The following PGBD2 variants were observed in gnomAD, a reference collection of about 807,000 sequenced individuals.
The protein encoded by PGBD2 is piggyBac transposable element-derived protein 2.
PGBD2 carries 6 observed loss-of-function variants against 8.1 expected under a neutral mutation model. The ratio of observed to expected loss-of-function variants is 0.74; its 90% CI spans 0.40 to 1.46. The LOEUF (loss-of-function observed/expected upper bound fraction) is 1.46, where lower values mean the gene tolerates loss of function less well. PGBD2 is among the 40% of genes most tolerant of loss of function. PGBD2 has a pLI of 0.02. For missense variants in PGBD2, 802 were observed against 739.0 expected (o/e 1.09, Z -0.99); for synonymous variants, 318 against 272.2 (o/e 1.17, Z -1.66).
the PGBD2 span, among the ~76,000 whole-genome samples, chr1:248,894,838 C>T: frequency 6.6e-6 from 1 of 151,688 alleles, no homozygotes; most frequent in Non-Finnish European, 1.5e-5. Context: ...CTGATTGTCA[C>T]TGGCTGGAGT....
chr1:248,916,691 A>G lies in PGBD2; in HGVS notation c.107A>G (p.Asn36Ser), dbSNP rs1662108656. 6.2e-7 allele frequency: 1 copy of G among 1,614,168 alleles called. No homozygotes were observed. Among genetic ancestry groups the G allele is most frequent in the African/African-American group, 1.3e-5 (1 of 75,040 alleles). Residue 36 changes from asparagine (N) to serine (S), a missense_variant, in exon 3 of 3, where the codon AAC becomes AGC. Asn to Ser is a conservative substitution (Grantham distance 46). Transcript: ENST00000329291. Reference sequence around the variant, plus strand: ...AATGCTATGGAGGAGGAAGAGTCCAACAACAACAGGGAAGAGATTTTCATT... The same window carrying G: ...AATGCTATGGAGGAGGAAGAGTCCAGCAACAACAGGGAAGAGATTTTCATT... The part of the protein sequence containing the change: ...VLNAMEEEES[N>S]NNREEIFIAP...
downstream of PGBD2, among the ~76,000 whole-genome samples, chr1:248,920,277 T>A (rs1327755035): frequency 6.6e-6 from 1 of 152,172 alleles, no homozygotes; most frequent in Non-Finnish European, 1.5e-5. Flanking sequence ...TAGGTATTTG[T>A]CCTAATGCTA....
chr1:248,881,161 G>T, the PGBD2 span, among the ~76,000 whole-genome samples: 3 of 152,110 alleles, frequency 2.0e-5, no homozygotes, highest in Non-Finnish European at 4.4e-5. Context: ...AACACAGTAG[G>T]CAAAGAGCCA....
In PGBD2 at chr1:248,917,731, C is replaced by T. The variant is rs772331580; in HGVS notation, c.1147C>T (p.Pro383Ser). Residue 383 changes from proline (P) to serine (S), a missense_variant, in exon 3 of 3, where the codon CCC becomes TCC. Pro to Ser is a moderately conservative substitution (Grantham distance 74). Transcript: ENST00000329291. ...TVREYRTERCPLKDPKELKKM... is the reference protein window; with the variant it reads ...TVREYRTERCSLKDPKELKKM... ...TCGTGAGTACAGGACTGAGCGATGT[C>T]CCCTAAAAGACCCCAAAGAACTGAA... The T allele has an allele frequency of 1.2e-6, 2 of 1,614,018 alleles. No individual in the cohort carries two copies. The highest frequency in any genetic ancestry group is 2.7e-5 in the African/African-American group (2 of 74,884).
upstream of PGBD2, among the ~76,000 whole-genome samples, chr1:248,905,702 A>G (rs887442404): frequency 1.3e-5 from 2 of 152,218 alleles, no homozygotes; most frequent in African/African-American, 4.8e-5. Flanking sequence ...CCTATAATGC[A>G]CAGGACAGCC....
intron 1 of PGBD2, among the ~76,000 whole-genome samples, chr1:248,913,225 G>T (rs1326281524): frequency 6.6e-6 from 1 of 151,860 alleles, no homozygotes; most frequent in East Asian, 1.9e-4. Flanking sequence ...TACCCCTTCT[G>T]TGAAGAGCTA....
chr1:248,907,265 T>C (rs925485246), intron 1 of PGBD2, among the ~76,000 whole-genome samples: 9 of 152,216 alleles, frequency 5.9e-5, no homozygotes, highest in East Asian at 1.9e-4. Flanking sequence ...GCCCAAACAT[T>C]TCAGTGGAAT....
chr1:248,905,946 G>A (rs766134938), upstream of PGBD2, among the ~76,000 whole-genome samples: 1 of 152,188 alleles, frequency 6.6e-6, no homozygotes, highest in Non-Finnish European at 1.5e-5. Context: ...TTAGATTGGG[G>A]GCACATTTGA....
At chr1:248,883,658 A>C in the PGBD2 span, among the ~76,000 whole-genome samples, 1 of 129,700 alleles carries the variant, frequency 7.7e-6, no homozygotes, top group Non-Finnish European at 1.5e-5. Flanking sequence ...GTGCAGTGGC[A>C]CGATCTCGGC....
chr1:248,897,023 GC>G, the PGBD2 span, among the ~76,000 whole-genome samples: 3 of 152,132 alleles, frequency 2.0e-5, no homozygotes, highest in Non-Finnish European at 2.9e-5. Context: ...TCTCTTAGAA[GC>G]AAAATTTATT....
At chr1:248,926,185 C>T in the PGBD2 span, among the ~76,000 whole-genome samples, 1 of 152,090 alleles carries the variant, frequency 6.6e-6, no homozygotes, top group African/African-American at 2.4e-5. Context: ...TGTTGTTCTA[C>T]CCCAGGTCAG....
the PGBD2 span, among the ~76,000 whole-genome samples, chr1:248,886,162 A>C: frequency 6.6e-6 from 1 of 152,356 alleles, no homozygotes; most frequent in East Asian, 1.9e-4. Context: ...TGATGAAGAC[A>C]GATCTCTCAG....
chr1:248,891,533 T>G, the PGBD2 span, among the ~76,000 whole-genome samples: 3 of 152,212 alleles, frequency 2.0e-5, no homozygotes, highest in Admixed American at 6.5e-5. Flanking sequence ...AAAGTACTTT[T>G]AAGAAATATT....
the PGBD2 span, among the ~76,000 whole-genome samples, chr1:248,873,899 A>C: frequency 2.0e-5 from 3 of 152,240 alleles, no homozygotes; most frequent in East Asian, 3.9e-4. Context: ...CAAGGTAAGC[A>C]CCTTGCCTGC....
At chr1:248,909,218 T>C (rs773991207) in intron 1 of PGBD2, among the ~76,000 whole-genome samples, 14 of 152,054 alleles carry the variant, frequency 9.2e-5, no homozygotes, top group African/African-American at 1.7e-4. Context: ...GAGCCACATG[T>C]GAGGGGATGG....
At position 248,918,339 on chromosome 1, in the gene PGBD2, C is replaced by A; in HGVS notation, c.1755C>A (p.Cys585Ter). ...GCCAGAAGGGTGTCCATGCCAAATG[C>A]TTCAGGGAGTACCACATCCGGTGAC... ...EKCQKGVHAK[C>*]FREYHIR is the part of the protein sequence containing the mutation. Residue 585 changes from cysteine (C) to a stop codon, truncating the protein, a stop_gained, in exon 3 of 3, where the codon TGC (cysteine) becomes TGA (stop). Transcript: ENST00000329291. LOFTEE classifies it high-confidence loss of function. The A allele has an allele frequency of 6.4e-7, 1 of 1,562,120 alleles. No individual in the cohort carries two copies. The highest frequency in any genetic ancestry group is 8.7e-7 in the Non-Finnish European group (1 of 1,154,804).
Position 248,913,831 on chromosome 1 carries a change from G to A in PGBD2, c.-32G>A, listed in dbSNP as rs182718982. 1.7e-4 allele frequency: 267 copies of A among 1,587,778 alleles called. 1 individual carries two copies. The East Asian group carries it at 5.0e-3, about 30-fold the overall frequency. ...TGTCTTACAGGTTCTTAGACTCTGTGAGTAAAGACAGCTTCATCTTCCCAG... is the reference window on the plus strand; with the variant it reads ...TGTCTTACAGGTTCTTAGACTCTGTAAGTAAAGACAGCTTCATCTTCCCAG... On this transcript the variant is annotated 5_prime_UTR_variant, in exon 2 of 3. Coordinates refer to ENST00000329291, the MANE Select transcript of PGBD2 (RefSeq NM_170725.3).
At chr1:248,884,085 C>A in the PGBD2 span, among the ~76,000 whole-genome samples, 1 of 152,008 alleles carries the variant, frequency 6.6e-6, no homozygotes, top group Non-Finnish European at 1.5e-5. Context: ...AATATTTAAT[C>A]CATCTGGAAT....
chr1:248,903,660 G>T (rs572046342), upstream of PGBD2, among the ~76,000 whole-genome samples: 40 of 152,316 alleles, frequency 2.6e-4, no homozygotes, highest in Middle Eastern at 3.4e-3. Context: ...GCGCTTGGGA[G>T]TTCTAGCCTG....
Sources: allele counts gnomAD v4.1 joint callset (sites outside exome capture counted in the v4.1 genomes callset), GRCh38; gene constraint gnomAD v4.1.1; transcripts MANE v1.5; gene names NCBI Gene and HGNC (gene_info 2026-07-23, HGNC 2026-07-21).